The following EXOC4 variants were observed in gnomAD, a reference collection of about 807,000 sequenced individuals.
EXOC4 encodes the protein SEC8-like 1.
A neutral mutation model predicts 107.2 loss-of-function variants in EXOC4; 71 were observed. The observed-to-expected ratio is 0.66, with a 90% CI of 0.55 to 0.81. The LOEUF is 0.81. Ranked by LOEUF, EXOC4 falls within the 30% of genes least tolerant of loss-of-function variation. The pLI is 0.00. For synonymous variants in EXOC4, 456 were observed against 441.2 expected, an observed-to-expected ratio of 1.03 and a Z score of -0.42; for missense variants, 1,108 against 1,189.6, an observed-to-expected ratio of 0.93 and a Z score of 1.01.
intron 6 of EXOC4, 37 bp from the exon 7 acceptor site, chr7:133,374,791 G>T (rs756029623): frequency 6.4e-7 from 1 of 1,566,192 alleles, no homozygotes; most frequent in Non-Finnish European, 8.8e-7. Flanking sequence ...CTGCGTGTAC[G>T]TATGTGTAAA....
chr7:133,303,909 A>T (rs566797282), intron 3 of EXOC4, among the ~76,000 whole-genome samples: 1 of 152,322 alleles, frequency 6.6e-6, no homozygotes, highest in South Asian at 2.1e-4. Flanking sequence ...GTTAAAAATA[A>T]TTTCAGTGAG....
intron 9 of EXOC4, among the ~76,000 whole-genome samples, chr7:133,520,714 C>T (rs1458616609): frequency 6.6e-6 from 1 of 152,110 alleles, no homozygotes; most frequent in African/African-American, 2.4e-5. Context: ...CTTCCAGTTG[C>T]TGAAGCCCTA....
rs188174474 is a variant in EXOC4 at position 133,385,498 on chromosome 7, C to A, written c.1182+10496C>A. Among the ~76,000 whole-genome samples the A allele has an allele frequency of 1.1e-4, 17 of 152,302 alleles. No individual in the cohort carries two copies. The East Asian group carries it at 2.3e-3, about 21-fold the overall frequency. ...TTCACCAGTTTGATCACATTAAAGA[C>A]CATTCAAGATACATTTAGGAAAATA... On this transcript the variant is annotated intron_variant, in intron 7 of 17. Coordinates refer to ENST00000253861, the MANE Select transcript of EXOC4 (RefSeq NM_021807.4).
chr7:133,642,969 A>T (rs538061543), intron 10 of EXOC4, among the ~76,000 whole-genome samples: 39 of 152,166 alleles, frequency 2.6e-4, no homozygotes, highest in African/African-American at 9.4e-4. Flanking sequence ...TTTTCTTCCA[A>T]CTTTTTCCTG....
chr7:133,721,850 T>C (rs1240493445), intron 10 of EXOC4, among the ~76,000 whole-genome samples: 1 of 152,202 alleles, frequency 6.6e-6, no homozygotes, highest in African/African-American at 2.4e-5. Flanking sequence ...ATATTCTGGC[T>C]ACTATTTTTG....
chr7:133,882,317 C>G (rs1798982876), intron 11 of EXOC4, among the ~76,000 whole-genome samples: 1 of 152,210 alleles, frequency 6.6e-6, no homozygotes, highest in Non-Finnish European at 1.5e-5. Flanking sequence ...GTTTGAGAAC[C>G]AAACTACAGA....
chr7:133,979,525 C>T lies in EXOC4; in HGVS notation c.2207-17967C>T, dbSNP rs945581650. Among the ~76,000 whole-genome samples the T allele has an allele frequency of 3.3e-5, 5 of 152,254 alleles. No homozygotes were observed. In the East Asian group the frequency reaches 7.7e-4, roughly 24 times the overall value. On this transcript the variant is annotated intron_variant, in intron 14 of 17. Coordinates refer to ENST00000253861, the MANE Select transcript of EXOC4 (RefSeq NM_021807.4). ...AGTTGCGGCTGGGTGCGGTGGCTCA[C>T]GCCTGTAATCCCAGCACTTTGGGAG...
chr7:133,517,682 C>T (rs541014068), intron 9 of EXOC4, among the ~76,000 whole-genome samples: 35 of 107,754 alleles, frequency 3.2e-4, no homozygotes, highest in South Asian at 2.3e-3. Flanking sequence ...GGGGAAGACC[C>T]GCCTCCATGA....
In EXOC4 at chr7:133,659,000, C is replaced by CTTTTTTTTT. The variant is rs397890140; in HGVS notation, c.1514+28880_1514+28888dup. ...TGATTTGGTGAAGACTTCAGAGAAGCTTTTTTTTTTTTTTTTTTTTTTTTT... is the reference window on the plus strand; with the variant it reads ...TGATTTGGTGAAGACTTCAGAGAAGCTTTTTTTTTTTTTTTTTTTTTTTTTTTTTTTTTT... On this transcript the variant is annotated intron_variant, in intron 10 of 17. Transcript: ENST00000253861. Among the ~76,000 whole-genome samples, 44 of 40,134 alleles carry CTTTTTTTTT rather than the reference C, an allele frequency of 1.1e-3. 7 individuals are homozygous for CTTTTTTTTT. The highest frequency in any genetic ancestry group is 3.8e-3 in the African/African-American group (37 of 9,838). The allele number at this position is 40,134 out of a possible 152,430, so 26.3% of individuals were successfully genotyped here.
At chr7:133,581,847 G>T (rs1801283792) in intron 9 of EXOC4, among the ~76,000 whole-genome samples, 1 of 152,022 alleles carries the variant, frequency 6.6e-6, no homozygotes, top group Non-Finnish European at 1.5e-5. Flanking sequence ...TGCATGGCTG[G>T]AGAGGCCTCA....
intron 7 of EXOC4, among the ~76,000 whole-genome samples, chr7:133,443,098 T>C (rs967655238): frequency 1.2e-4 from 19 of 152,158 alleles, no homozygotes; most frequent in African/African-American, 4.1e-4. Context: ...GAGTGAGATT[T>C]ACAACAGTTT....
Position 133,709,334 on chromosome 7 carries a change from T to C in EXOC4, c.1514+79193T>C, listed in dbSNP as rs60586797. Reference sequence around the variant, plus strand: ...ATAAAAAGGAAGCAAGACAGTTCCATGCACAGACCAGTCAGCTACAGTGAA... The same window carrying C: ...ATAAAAAGGAAGCAAGACAGTTCCACGCACAGACCAGTCAGCTACAGTGAA... On this transcript the variant is annotated intron_variant, in intron 10 of 17. Coordinates refer to ENST00000253861, the MANE Select transcript of EXOC4 (RefSeq NM_021807.4). Among the ~76,000 whole-genome samples, 720 of 152,318 alleles carry C rather than the reference T, an allele frequency of 4.7e-3. 4 individuals carry two copies. The highest frequency in any genetic ancestry group is 0.017 in the African/African-American group (696 of 41,564).
chr7:133,544,917 A>T (rs1242534398), intron 9 of EXOC4, among the ~76,000 whole-genome samples: 1 of 151,740 alleles, frequency 6.6e-6, no homozygotes, highest in East Asian at 1.9e-4. Flanking sequence ...GATTTGAATG[A>T]ATGGGAGGAT....
chr7:133,281,704 A>ATT (rs1029951425), intron 2 of EXOC4, among the ~76,000 whole-genome samples: 9 of 125,998 alleles, frequency 7.1e-5, no homozygotes, highest in African/African-American at 1.5e-4. Context: ...TTTCTTTTCT[A>ATT]TTTTTTTTTT....
chr7:133,791,983 C>T (rs968846427), intron 10 of EXOC4, among the ~76,000 whole-genome samples: 2 of 152,106 alleles, frequency 1.3e-5, no homozygotes, highest in African/African-American at 4.8e-5. Context: ...AGATGAGACT[C>T]TGTTGAAGGG....
At chr7:134,083,651 A>T in the EXOC4 span, among the ~76,000 whole-genome samples, 2 of 152,172 alleles carry the variant, frequency 1.3e-5, no homozygotes, top group Non-Finnish European at 2.9e-5. Context: ...TCTCTTCAGC[A>T]GGGTAGTCGG....
intron 7 of EXOC4, among the ~76,000 whole-genome samples, chr7:133,441,889 C>T (rs575998445): frequency 6.0e-4 from 92 of 152,276 alleles, no homozygotes; most frequent in African/African-American, 2.1e-3. Flanking sequence ...TATGTAAATA[C>T]AACATCCCTG....
Position 133,480,297 on chromosome 7 carries a change from C to T in EXOC4, c.1417+159C>T, listed in dbSNP as rs181991090. ...TCTGTAATTTCCCAGCATCTGCTGC[C>T]AAGCAGGTAAAACTATTACTGTGGC... On this transcript the variant is annotated intron_variant, in intron 9 of 17. Transcript: ENST00000253861. The T allele has an allele frequency of 3.4e-6, 5 of 1,459,492 alleles. No homozygotes were observed. The African/African-American group carries it at 4.2e-5, about 12-fold the overall frequency. The allele number at this position is 1,459,492 out of a possible 1,614,324, so 90.4% of individuals were successfully genotyped here.
At chr7:133,435,256 C>T (rs183939375) in intron 7 of EXOC4, among the ~76,000 whole-genome samples, 6 of 152,186 alleles carry the variant, frequency 3.9e-5, no homozygotes, top group South Asian at 4.2e-4. Flanking sequence ...GCACGGACAA[C>T]GTTCCATCGT....
Sources: gnomAD v4.1 joint callset for allele counts (sites outside exome capture counted in the v4.1 genomes callset) on GRCh38, gnomAD v4.1.1 for gene constraint, MANE v1.5 for transcripts, NCBI Gene and HGNC (gene_info 2026-07-23, HGNC 2026-07-21) for gene names.